The following PHLPP1 variants were observed in gnomAD, a reference collection of about 807,000 sequenced individuals.
The protein encoded by PHLPP1 is PH domain and leucine rich repeat protein phosphatase 1, also known as PH domain leucine-rich repeat-containing protein phosphatase 1.
Under a neutral mutation model 117.2 loss-of-function variants are expected in PHLPP1, and 42 were observed. The ratio of observed to expected loss-of-function variants is 0.36; its 90% confidence interval spans 0.28 to 0.46. PHLPP1 has a LOEUF of 0.46. Ranked by LOEUF, PHLPP1 falls within the 20% of genes least tolerant of loss-of-function variation. PHLPP1 has a pLI of 1.00. For missense variants in PHLPP1, 2,084 were observed against 2,241.9 expected, an observed-to-expected ratio of 0.93 and a Z score of 1.42; for synonymous variants, 1,042 against 970.7, an observed-to-expected ratio of 1.07 and a Z score of -1.37.
intron 1 of PHLPP1, among the ~76,000 whole-genome samples, chr18:62,787,790 G>A (rs890790241): frequency 5.9e-5 from 9 of 152,128 alleles, no homozygotes; most frequent in African/African-American, 1.7e-4. Flanking sequence ...ACCGTGCAGC[G>A]GGGGTGGGGG....
intron 4 of PHLPP1, among the ~76,000 whole-genome samples, chr18:62,892,082 C>CTTTTTTT (rs200141250): frequency 2.8e-5 from 3 of 107,968 alleles, no homozygotes; most frequent in East Asian, 2.7e-4. Context: ...TTCTTTCTTT[C>CTTTTTTT]TTTTTTTTTT....
chr18:62,879,133 A>G (rs1309104337), intron 4 of PHLPP1, among the ~76,000 whole-genome samples: 1 of 152,176 alleles, frequency 6.6e-6, no homozygotes, highest in African/African-American at 2.4e-5. Flanking sequence ...ATGTGTTGGA[A>G]ACATAATCCC....
intron 12 of PHLPP1, among the ~76,000 whole-genome samples, chr18:62,946,939 G>A (rs1308883973): frequency 6.6e-6 from 1 of 152,142 alleles, no homozygotes. Context: ...TGTAGTCCCA[G>A]CTACTCGGGA....
At chr18:62,839,862 G>A (rs1162809549) in intron 3 of PHLPP1, 1 of 149,598 alleles carries the variant, frequency 6.7e-6, no homozygotes, top group Non-Finnish European at 1.5e-5. Context: ...AATAAATGCT[G>A]ATATTTCAGG....
At chr18:62,816,562 G>A (rs1017898916) in intron 1 of PHLPP1, among the ~76,000 whole-genome samples, 39 of 151,852 alleles carry the variant, frequency 2.6e-4, no homozygotes, top group African/African-American at 8.2e-4. Context: ...ACAATACTCC[G>A]TCTCAAAAAA....
intron 1 of PHLPP1, among the ~76,000 whole-genome samples, chr18:62,747,819 T>C (rs1190475223): frequency 6.6e-6 from 1 of 152,164 alleles, no homozygotes; most frequent in Non-Finnish European, 1.5e-5. Context: ...TGTACCTGGC[T>C]GATTTTTTTT....
intron 1 of PHLPP1, among the ~76,000 whole-genome samples, chr18:62,802,411 G>C (rs1019753927): frequency 2.0e-4 from 31 of 152,048 alleles, no homozygotes; most frequent in African/African-American, 7.0e-4. Context: ...TGAGCATGTG[G>C]GGATTAACAC....
chr18:62,848,455 ATTTTTTTTTTTTT>A (rs56223512), intron 3 of PHLPP1, among the ~76,000 whole-genome samples: 1 of 88,550 alleles, frequency 1.1e-5, no homozygotes, highest in African/African-American at 4.6e-5. Flanking sequence ...TTTTTTGTTG[ATTTTTTTTTTTTT>A]TTTTTTTTTT....
intron 1 of PHLPP1, among the ~76,000 whole-genome samples, chr18:62,784,156 G>A (rs1433224884): frequency 6.6e-6 from 1 of 152,232 alleles, no homozygotes; most frequent in African/African-American, 2.4e-5. Flanking sequence ...AGTGGGGTAT[G>A]TCTAAAGCAG....
Position 62,979,440 on chromosome 18 carries a change from A to G in PHLPP1, c.*9A>G, listed in dbSNP as rs1476377853. ...ACGACACGCCACTATGACCCAGCCG[A>G]GCTGTTTAACAAATAAACTAACCAC... On this transcript the variant is annotated 3_prime_UTR_variant, in exon 17 of 17. Transcript: ENST00000262719. 1.1e-5 allele frequency: 17 copies of G among 1,549,162 alleles called. No individual in the cohort carries two copies. Among genetic ancestry groups the G allele is most frequent in the Non-Finnish European group, 1.4e-5 (16 of 1,145,460 alleles).
In PHLPP1 at chr18:62,781,716, C is replaced by T. The variant is rs192580838; in HGVS notation, c.1577-48319C>T. Among the ~76,000 whole-genome samples, 27 of 152,250 alleles carry T rather than the reference C, an allele frequency of 1.8e-4. No homozygotes were observed. The East Asian group carries it at 3.5e-3, about 20-fold the overall frequency. The stretch of plus-strand genomic sequence containing the variant: ...AATATGTGTGATTTTAATTTATAGT[C>T]AAACTGTCTTCTGCATTTTAAGCTC... On this transcript the variant is annotated intron_variant, in intron 1 of 16. Transcript: ENST00000262719.
intron 1 of PHLPP1, among the ~76,000 whole-genome samples, chr18:62,818,904 T>G (rs1914365966): frequency 6.6e-6 from 1 of 152,066 alleles, no homozygotes. Flanking sequence ...ACAGTGGTGG[T>G]TTTCAAGCTA....
At chr18:62,929,492 G>A (rs1428179716) in intron 10 of PHLPP1, among the ~76,000 whole-genome samples, 4 of 152,134 alleles carry the variant, frequency 2.6e-5, no homozygotes, top group Middle Eastern at 3.2e-3. Context: ...CTGTTTGGGC[G>A]TGATGTACCA....
intron 1 of PHLPP1, among the ~76,000 whole-genome samples, chr18:62,772,743 A>T (rs539014321): frequency 6.7e-6 from 1 of 148,556 alleles, no homozygotes; most frequent in Admixed American, 6.7e-5. Flanking sequence ...AGGGATGAGA[A>T]TGGCTTGAAC....
At chr18:62,787,251 A>G (rs1474867161) in intron 1 of PHLPP1, among the ~76,000 whole-genome samples, 7 of 152,060 alleles carry the variant, frequency 4.6e-5, no homozygotes, top group South Asian at 4.2e-4. Flanking sequence ...GCCCACTGCA[A>G]CCTCCACCTC....
rs761593176 is a variant in PHLPP1, at chr18:62,972,667, C to G, written c.3714C>G (p.Asn1238Lys). Reference protein sequence around the residue: ...ILAEELQKTKNEEEYMVNTFI... With the variant: ...ILAEELQKTKKEEEYMVNTFI... ...CTGAAGAGCTGCAAAAAACAAAAAA[C>G]GAAGAAGAATACATGGTCAATACAT... The change falls in exon 15 of 17, where the codon AAC becomes AAG. Residue 1238 changes from asparagine to lysine, a missense_variant. Physicochemically the swap from Asn to Lys is moderately conservative, Grantham distance 94. Coordinates refer to ENST00000262719, the MANE Select transcript of PHLPP1 (RefSeq NM_194449.4). The G allele has an allele frequency of 1.9e-6, 3 of 1,613,712 alleles. No homozygotes were observed. The highest frequency in any genetic ancestry group is 4.5e-5 in the East Asian group (2 of 44,888).
At chr18:62,840,326 A>C (rs1306886120) in intron 3 of PHLPP1, among the ~76,000 whole-genome samples, 3 of 152,202 alleles carry the variant, frequency 2.0e-5, no homozygotes, top group African/African-American at 7.2e-5. Context: ...CTCTCAACCT[A>C]ATAGACAAAT....
intron 1 of PHLPP1, among the ~76,000 whole-genome samples, chr18:62,769,057 TAAAG>T (rs895359692): frequency 2.7e-5 from 4 of 150,572 alleles, no homozygotes; most frequent in African/African-American, 7.5e-5. Context: ...TTGCTAATAA[TAAAG>T]ATAGACTAAG....
At chr18:62,924,191 T>C (rs977620928) in intron 10 of PHLPP1, among the ~76,000 whole-genome samples, 2 of 152,184 alleles carry the variant, frequency 1.3e-5, no homozygotes, top group Admixed American at 6.5e-5. Context: ...GTTTGGCAAA[T>C]AGCTGCAGGC....
Sources: allele counts gnomAD v4.1 joint callset (sites outside exome capture counted in the v4.1 genomes callset), GRCh38; gene constraint gnomAD v4.1.1; transcripts MANE v1.5; gene names NCBI Gene and HGNC (gene_info 2026-07-23, HGNC 2026-07-21).